The following CTDSPL2 variants were observed in gnomAD, a reference collection of about 807,000 sequenced individuals.
CTDSPL2 encodes CTD small phosphatase like 2.
In CTDSPL2, 5 loss-of-function variants were observed where a neutral mutation model predicts 60.0. The ratio of observed to expected loss-of-function variants is 0.08; its 90% CI spans 0.04 to 0.18. The LOEUF is 0.18. CTDSPL2 is among the 10% of genes least tolerant of loss of function. The pLI is 1.00. For missense variants in CTDSPL2, 370 were observed against 548.8 expected (o/e 0.67, Z 3.26); for synonymous variants, 186 against 189.3 (o/e 0.98, Z 0.14).
At position 44,527,341 on chromosome 15, in the gene CTDSPL2, T is replaced by C. The variant is rs1026097297; in HGVS notation, c.*3167T>C. ...AAAAATTATCTTTGGCCAATGACTTTTTCATCTAGATCTTACTTTCATTCA... is the reference window on the plus strand; with the variant it reads ...AAAAATTATCTTTGGCCAATGACTTCTTCATCTAGATCTTACTTTCATTCA... On this transcript the variant is annotated 3_prime_UTR_variant, in exon 13 of 13. Transcript: ENST00000260327. The C allele has an allele frequency of 6.6e-6, 1 of 152,514 alleles. No homozygotes were observed. Among genetic ancestry groups the C allele is most frequent in the Non-Finnish European group, 1.5e-5 (1 of 67,998 alleles). 9.4% of individuals were successfully genotyped at this position (152,514 alleles called of 1,614,324 possible). A position where few individuals can be genotyped will look rare whatever the true frequency, so the allele number is the denominator to read the frequency against.
intron 1 of CTDSPL2, among the ~76,000 whole-genome samples, chr15:44,438,046 C>T (rs1350731717): frequency 6.6e-6 from 1 of 152,036 alleles, no homozygotes; most frequent in Non-Finnish European, 1.5e-5. Context: ...AGGTGGATCA[C>T]GAGGTCAGGA....
chr15:44,447,387 A>C (rs1356050634), intron 1 of CTDSPL2, among the ~76,000 whole-genome samples: 2 of 152,204 alleles, frequency 1.3e-5, no homozygotes, highest in Non-Finnish European at 2.9e-5. Flanking sequence ...CCACAACTAC[A>C]AAAAAATTTG....
intron 8 of CTDSPL2, among the ~76,000 whole-genome samples, chr15:44,506,306 C>T (rs899058697): frequency 4.6e-5 from 7 of 151,060 alleles, no homozygotes; most frequent in Admixed American, 2.6e-4. Context: ...CTGGGATTAC[C>T]GGCATGAGGC....
intron 1 of CTDSPL2, among the ~76,000 whole-genome samples, chr15:44,455,332 G>A (rs1054136417): frequency 2.6e-5 from 4 of 152,264 alleles, no homozygotes; most frequent in Non-Finnish European, 5.9e-5. Flanking sequence ...TGAGATGATG[G>A]GGTTTCCTAA....
In CTDSPL2 at chr15:44,526,105, C is replaced by T. The variant is rs939181760; in HGVS notation, c.*1931C>T. The T allele has an allele frequency of 1.3e-5, 2 of 152,016 alleles. No individual in the cohort carries two copies. Among genetic ancestry groups the T allele is most frequent in the African/African-American group, 4.8e-5 (2 of 41,392 alleles). 9.4% of individuals were successfully genotyped at this position (152,016 alleles called of 1,614,324 possible). On this transcript the variant is annotated 3_prime_UTR_variant, in exon 13 of 13. Coordinates refer to ENST00000260327, the MANE Select transcript of CTDSPL2 (RefSeq NM_016396.3). ...ATGAGAATCTTTGAAATGTATTTAT[C>T]TTTAGGGCATCTGGGCATCTTTATG... is the stretch of plus-strand genomic sequence containing the variant.
At chr15:44,439,020 A>T (rs1200599346) in intron 1 of CTDSPL2, among the ~76,000 whole-genome samples, 1 of 152,100 alleles carries the variant, frequency 6.6e-6, no homozygotes, top group Non-Finnish European at 1.5e-5. Context: ...CTTAGGCTAA[A>T]ATATTGCCCT....
At chr15:44,502,989 G>A (rs772368932) in intron 8 of CTDSPL2, among the ~76,000 whole-genome samples, 36 of 152,082 alleles carry the variant, frequency 2.4e-4, no homozygotes, top group Admixed American at 5.2e-4. Context: ...GTACCTTGAG[G>A]TGTAATTTGA....
Position 44,475,500 on chromosome 15 carries a change from G to A in CTDSPL2, c.187-8724G>A, listed in dbSNP as rs377329515. ...CTAAAAATACAAAAATTAGCTGGGT[G>A]TGGTGGTGGGCACCTGTAATCCCAG... On this transcript the variant is annotated intron_variant, in intron 2 of 12. Transcript: ENST00000260327. 6.6e-5 allele frequency among the ~76,000 whole-genome samples: 10 copies of A among 152,022 alleles called. No individual in the cohort carries two copies. The East Asian group carries it at 1.9e-3, about 29-fold the overall frequency.
At position 44,490,852 on chromosome 15, in the gene CTDSPL2, G is replaced by C; in HGVS notation, c.544G>C (p.Glu182Gln). The change falls in exon 5 of 13, where the codon GAA (glutamate) becomes CAA (glutamine). Residue 182 changes from glutamate (E) to glutamine (Q), a missense_variant. Physicochemically the swap from Glu to Gln is conservative, Grantham distance 29. This residue lies in a region of CTDSPL2 where 287 missense variants were observed against 296.1 expected (regional missense o/e 0.97). Coordinates refer to ENST00000260327, the MANE Select transcript of CTDSPL2 (RefSeq NM_016396.3). ...AEEIVKQLDM[E>Q]QVDEITTSTT... ...AGAAATAGTAAAACAACTTGATATG[G>C]AACAGGTGGATGAGATCACTACCAG... 1 of 1,613,888 alleles carries C rather than the reference G, an allele frequency of 6.2e-7. No homozygotes were observed. The highest frequency in any genetic ancestry group is 8.5e-7 in the Non-Finnish European group (1 of 1,179,980).
intron 7 of CTDSPL2, among the ~76,000 whole-genome samples, chr15:44,498,992 A>C (rs889946899): frequency 1.1e-4 from 17 of 152,214 alleles, no homozygotes; most frequent in African/African-American, 3.9e-4. Flanking sequence ...TAGATTCTAC[A>C]CTTACATTTG....
Position 44,491,009 on chromosome 15 carries a change from ATTTCT to A in CTDSPL2, c.691+17_691+21del, listed in dbSNP as rs755439766. On this transcript the variant is annotated intron_variant, in intron 5 of 12. Coordinates refer to ENST00000260327, the MANE Select transcript of CTDSPL2 (RefSeq NM_016396.3). The stretch of plus-strand genomic sequence containing the variant: ...ATCCCACCCCTTACAGGTGAAGAAA[ATTTCT>A]TTTCTTATACATCTTCATGAGTAGT... 2.0e-5 allele frequency: 32 copies of A among 1,603,676 alleles called. No individual in the cohort carries two copies. The highest frequency in any genetic ancestry group is 2.3e-5 in the Non-Finnish European group (27 of 1,172,838).
At chr15:44,479,816 CGT>C (rs530899853) in intron 2 of CTDSPL2, among the ~76,000 whole-genome samples, 95 of 152,250 alleles carry the variant, frequency 6.2e-4, no homozygotes, top group African/African-American at 2.3e-3. Flanking sequence ...TTCTGCTCCA[CGT>C]GTGTTTCATT....
intron 7 of CTDSPL2, 97 bp from the exon 8 acceptor site, chr15:44,499,629 GA>G: frequency 1.5e-6 from 1 of 686,282 alleles, no homozygotes; most frequent in Non-Finnish European, 2.5e-6. Context: ...TTCAACATAT[GA>G]ATGGGTGCTT....
chr15:44,495,962 G>A (rs1285491924), intron 5 of CTDSPL2, among the ~76,000 whole-genome samples: 1 of 151,938 alleles, frequency 6.6e-6, no homozygotes, highest in Non-Finnish European at 1.5e-5. Flanking sequence ...CCTACATTTG[G>A]GTCTGTTGTC....
chr15:44,479,030 A>G (rs1231848011), intron 2 of CTDSPL2, among the ~76,000 whole-genome samples: 1 of 151,134 alleles, frequency 6.6e-6, no homozygotes, highest in Admixed American at 6.6e-5. Flanking sequence ...CATTTTCTTC[A>G]TTTGTTTTTA....
chr15:44,485,568 T>C (rs1158513130), intron 3 of CTDSPL2, among the ~76,000 whole-genome samples: 1 of 152,204 alleles, frequency 6.6e-6, no homozygotes, highest in Non-Finnish European at 1.5e-5. Flanking sequence ...ATGCAGCAGC[T>C]TATCTGCAGA....
chr15:44,440,827 G>T (rs932048153), intron 1 of CTDSPL2, among the ~76,000 whole-genome samples: 1 of 152,090 alleles, frequency 6.6e-6, no homozygotes, highest in African/African-American at 2.4e-5. Context: ...CATTGCATTC[G>T]TGGACTTTTA....
At chr15:44,471,123 C>T (rs1249343822) in intron 2 of CTDSPL2, among the ~76,000 whole-genome samples, 2 of 152,142 alleles carry the variant, frequency 1.3e-5, no homozygotes, top group African/African-American at 4.8e-5. Flanking sequence ...GCTTCCTTCA[C>T]ACACACAACA....
intron 2 of CTDSPL2, among the ~76,000 whole-genome samples, chr15:44,482,065 C>G (rs1245489783): frequency 6.6e-6 from 1 of 152,120 alleles, no homozygotes; most frequent in Non-Finnish European, 1.5e-5. Flanking sequence ...TTTTTAGTAC[C>G]CTTTATTATC....
Sources: allele counts gnomAD v4.1 joint callset (sites outside exome capture counted in the v4.1 genomes callset), GRCh38; gene constraint gnomAD v4.1.1; regional missense constraint gnomAD v4.1.1; transcripts MANE v1.5; gene names NCBI Gene and HGNC (gene_info 2026-07-23, HGNC 2026-07-21).